The following FGF12 variants were observed in gnomAD, a reference collection of about 807,000 sequenced individuals.
The protein encoded by FGF12 is fibroblast growth factor 12B.
In FGF12, 14 loss-of-function variants were observed where a neutral mutation model predicts 23.6. The observed-to-expected ratio is 0.59, with a 90% CI of 0.39 to 0.93. The LOEUF (loss-of-function observed/expected upper bound fraction) is 0.93. Among genes scored for constraint, FGF12 ranks in the 40% least tolerant of loss-of-function variants. The pLI is 0.00. For synonymous variants in FGF12, 62 were observed against 77.3 expected (o/e 0.80, Z 1.04); for missense variants, 175 against 217.8 (o/e 0.80, Z 1.24).
intron 2 of FGF12, among the ~76,000 whole-genome samples, chr3:192,483,565 G>A (rs1001924258): frequency 2.4e-4 from 36 of 152,016 alleles, no homozygotes; most frequent in African/African-American, 8.0e-4. Context: ...ATAAATAAAC[G>A]AAAATAATAG....
intron 4 of FGF12, among the ~76,000 whole-genome samples, chr3:192,316,754 A>C (rs1716246951): frequency 6.6e-6 from 1 of 152,150 alleles, no homozygotes; most frequent in Non-Finnish European, 1.5e-5. Context: ...CTAGTGAGAC[A>C]CCAGCCCAGG....
chr3:192,464,287 C>G (rs534375118), intron 2 of FGF12, among the ~76,000 whole-genome samples: 13 of 152,168 alleles, frequency 8.5e-5, no homozygotes, highest in Middle Eastern at 3.4e-3. Flanking sequence ...CCCTCACCCC[C>G]CTCCCACCCT....
At chr3:192,564,037 GTTT>G (rs111447729) in intron 2 of FGF12, among the ~76,000 whole-genome samples, 27 of 135,550 alleles carry the variant, frequency 2.0e-4, no homozygotes, top group African/African-American at 4.8e-4. Flanking sequence ...GTAGTTTTTT[GTTT>G]TTTTTTGTTT....
chr3:192,515,858 C>T (rs76787685), intron 2 of FGF12, among the ~76,000 whole-genome samples: 7 of 146,736 alleles, frequency 4.8e-5, no homozygotes, highest in Non-Finnish European at 8.9e-5. Flanking sequence ...TTTCCTGATG[C>T]CAACAATGCC....
intron 2 of FGF12, among the ~76,000 whole-genome samples, chr3:192,450,231 T>C (rs1047384904): frequency 6.6e-6 from 1 of 152,114 alleles, no homozygotes; most frequent in African/African-American, 2.4e-5. Flanking sequence ...TATAATAAAA[T>C]AACCTCAGTG....
At chr3:192,175,433 TATGTC>T (rs1235487695) in intron 4 of FGF12, among the ~76,000 whole-genome samples, 18 of 152,198 alleles carry the variant, frequency 1.2e-4, no homozygotes, top group Admixed American at 5.9e-4. Flanking sequence ...TGTTCTATTC[TATGTC>T]ATGTGTGTAG....
At chr3:192,288,974 G>A (rs988264643) in intron 4 of FGF12, among the ~76,000 whole-genome samples, 5 of 151,954 alleles carry the variant, frequency 3.3e-5, no homozygotes, top group Admixed American at 1.3e-4. Context: ...CCTCATGTCC[G>A]AGTGCCCTTG....
chr3:192,175,908 T>C (rs896924157), intron 4 of FGF12, among the ~76,000 whole-genome samples: 2 of 152,170 alleles, frequency 1.3e-5, no homozygotes, highest in South Asian at 2.1e-4. Context: ...TTCTTCTCCC[T>C]GCACATAGAC....
chr3:192,158,346 C>CTCTTTCTT (rs1560171269), intron 5 of FGF12, among the ~76,000 whole-genome samples: 1 of 93,328 alleles, frequency 1.1e-5, no homozygotes, highest in Non-Finnish European at 2.3e-5. Flanking sequence ...TTCTTTCTTT[C>CTCTTTCTT]TTTCTTTCTT....
chr3:192,167,772 A>AT lies in FGF12; in HGVS notation c.427+2685dup, dbSNP rs368951795. Among the ~76,000 whole-genome samples the AT allele has an allele frequency of 9.7e-3, 150 of 15,394 alleles. 6 individuals carry two copies. Among genetic ancestry groups the AT allele is most frequent in the Non-Finnish European group, 0.015 (123 of 8,000 alleles). 10.1% of individuals were successfully genotyped at this position (15,394 alleles called of 152,430 possible). ...ATATATATATATATATATATATAAA[A>AT]TTTTTTTTTTTTTTTTTTTTTGAGA... On this transcript the variant is annotated intron_variant, in intron 5 of 5. Transcript: ENST00000445105.
intron 2 of FGF12, among the ~76,000 whole-genome samples, chr3:192,545,135 T>G (rs903680008): frequency 1.2e-4 from 19 of 152,178 alleles, no homozygotes; most frequent in Admixed American, 1.2e-3. Context: ...CATAGCATTA[T>G]AGGGGATTTC....
intron 2 of FGF12, among the ~76,000 whole-genome samples, chr3:192,700,451 A>G (rs2108729342): frequency 6.6e-6 from 1 of 152,306 alleles, no homozygotes; most frequent in South Asian, 2.1e-4. Context: ...TAATAAAAAG[A>G]TACATTTCAT....
At chr3:192,433,680 C>T (rs1501621) in intron 2 of FGF12, among the ~76,000 whole-genome samples, 82,758 of 152,028 alleles carry the variant, frequency 0.54, 22,538 homozygotes, top group African/African-American at 0.58. Flanking sequence ...TTATTGCTAA[C>T]GTCATGTAAA....
chr3:192,600,385 G>C (rs1456794921), intron 2 of FGF12, among the ~76,000 whole-genome samples: 1 of 151,794 alleles, frequency 6.6e-6, no homozygotes, highest in Admixed American at 6.6e-5. Flanking sequence ...GTCTTTTGTG[G>C]TTCCATACAA....
At position 192,336,558 on chromosome 3, in the gene FGF12, TG is replaced by T. The variant is rs139207489; in HGVS notation, c.125-1095del. Among the ~76,000 whole-genome samples, 7,906 of 152,236 alleles carry T rather than the reference TG, an allele frequency of 0.052. 290 individuals carry two copies. The highest frequency in any genetic ancestry group is 0.13 in the South Asian group (644 of 4,832). ...GGCTCTATAGATGGCAACATGGAGA[TG>T]AATTAAGTATCTCACGGCTGTATGC... On this transcript the variant is annotated intron_variant, in intron 3 of 5. Coordinates refer to ENST00000445105, the MANE Select transcript of FGF12 (RefSeq NM_004113.6). This position sits in a 1 kb window ranked among gnomAD's most constrained non-coding sequence, Gnocchi z 4.3.
chr3:192,507,376 C>T (rs1724346287), intron 2 of FGF12, among the ~76,000 whole-genome samples: 1 of 138,220 alleles, frequency 7.2e-6, no homozygotes, highest in African/African-American at 2.8e-5. Context: ...CACACACACA[C>T]ACACATACAA....
intron 2 of FGF12, among the ~76,000 whole-genome samples, chr3:192,584,548 G>A (rs750621204): frequency 1.6e-4 from 24 of 151,946 alleles, no homozygotes; most frequent in Non-Finnish European, 8.8e-5. Context: ...ACTTTCAGAC[G>A]ATTTCACATA....
At chr3:192,541,506 T>A (rs1725363254) in intron 2 of FGF12, among the ~76,000 whole-genome samples, 1 of 152,316 alleles carries the variant, frequency 6.6e-6, no homozygotes. Flanking sequence ...TTGTTGTAGT[T>A]TATTTTTGAT....
rs1187059537 is a variant in FGF12, at chr3:192,167,762, TATATATAA to T, written c.427+2688_427+2695del. On this transcript the variant is annotated intron_variant, in intron 5 of 5. Coordinates refer to ENST00000445105, the MANE Select transcript of FGF12 (RefSeq NM_004113.6). ...ATATATATATATATATATATATATA[TATATATAA>T]AATTTTTTTTTTTTTTTTTTTTTGA... is the stretch of plus-strand genomic sequence containing the variant. Among the ~76,000 whole-genome samples, 97 of 38,154 alleles carry T rather than the reference TATATATAA, an allele frequency of 2.5e-3. 5 individuals are homozygous for T. The highest frequency in any genetic ancestry group is 8.8e-3 in the African/African-American group (92 of 10,396). The allele number at this position is 38,154 out of a possible 152,430, so 25.0% of individuals were successfully genotyped here.
Sources: allele counts gnomAD v4.1 joint callset (sites outside exome capture counted in the v4.1 genomes callset), GRCh38; gene constraint gnomAD v4.1.1; non-coding constraint Gnocchi (gnomAD v3.1); transcripts MANE v1.5; gene names NCBI Gene and HGNC (gene_info 2026-07-23, HGNC 2026-07-21).